The following CUX1 variants were observed in gnomAD, a reference collection of about 807,000 sequenced individuals.
The protein encoded by CUX1 is cut like homeobox 1.
A neutral mutation model predicts 158.8 loss-of-function variants in CUX1; 31 were observed. The observed-to-expected ratio is 0.20, with a 90% CI of 0.15 to 0.26. The LOEUF is 0.26. Among genes scored for constraint, CUX1 ranks in the 10% least tolerant of loss-of-function variants. The pLI, the probability that CUX1 is intolerant of heterozygous loss-of-function variation, is 1.00. For synonymous variants in CUX1, 879 were observed against 862.1 expected, an observed-to-expected ratio of 1.02 and a Z score of -0.34; for missense variants, 1,589 against 2,014.6, an observed-to-expected ratio of 0.79 and a Z score of 4.04.
chr7:102,067,605 G>T lies in CUX1; in HGVS notation c.190-2734G>T, dbSNP rs147979435. On this transcript the variant is annotated intron_variant, in intron 3 of 23. Coordinates refer to ENST00000292535, the MANE Select transcript of CUX1 (RefSeq NM_181552.4). ...ATAAAGACCTGATAGTCTGACTCCT[G>T]CCGGTGAGTGGAGGATTTCAATTAT... Among the ~76,000 whole-genome samples, 196 of 151,438 alleles carry T rather than the reference G, an allele frequency of 1.3e-3. 2 individuals are homozygous for T. The highest frequency in any genetic ancestry group is 4.6e-3 in the African/African-American group (189 of 41,242).
chr7:101,876,874 A>G (rs1277870747), intron 1 of CUX1, among the ~76,000 whole-genome samples: 1 of 152,046 alleles, frequency 6.6e-6, no homozygotes, highest in African/African-American at 2.4e-5. Flanking sequence ...TCGGCCTCCC[A>G]AAGTGCTGAG....
chr7:101,962,115 T>A (rs1488170894), intron 2 of CUX1, among the ~76,000 whole-genome samples: 1 of 152,196 alleles, frequency 6.6e-6, no homozygotes, highest in Non-Finnish European at 1.5e-5. Flanking sequence ...ATATTCCTTC[T>A]GTGATCAGAA....
Position 102,251,028 on chromosome 7 carries a change from G to A in CUX1, c.*1986G>A. 2 of 980,548 alleles carry A rather than the reference G, an allele frequency of 2.0e-6. No individual in the cohort carries two copies. Among genetic ancestry groups the A allele is most frequent in the Non-Finnish European group, 2.4e-6 (2 of 825,704 alleles). 60.7% of individuals were successfully genotyped at this position (980,548 alleles called of 1,614,324 possible). On this transcript the variant is annotated 3_prime_UTR_variant, in exon 24 of 24. Transcript: ENST00000292535. The stretch of plus-strand genomic sequence containing the variant: ...ATTTTATTATCTGATTGTTAGGAAG[G>A]GATGAAAGGGGCAAATATTCTTTAG...
intron 3 of CUX1, among the ~76,000 whole-genome samples, chr7:102,049,569 G>A (rs1327874004): frequency 3.3e-5 from 5 of 152,214 alleles, no homozygotes; most frequent in African/African-American, 1.2e-4. Context: ...TGGATGCGGT[G>A]GCTCACACCT....
chr7:101,911,475 G>A (rs1346099654), intron 1 of CUX1, among the ~76,000 whole-genome samples: 1 of 151,924 alleles, frequency 6.6e-6, no homozygotes, highest in African/African-American at 2.4e-5. Context: ...ATTGGCCTTG[G>A]CCCTCCAGTG....
chr7:101,864,535 AT>A, intron 1 of CUX1, among the ~76,000 whole-genome samples: 1 of 151,388 alleles, frequency 6.6e-6, no homozygotes, highest in South Asian at 2.1e-4. Flanking sequence ...TTTGATTTGC[AT>A]TTCCCTAATA....
intron 1 of CUX1, among the ~76,000 whole-genome samples, chr7:101,841,061 T>C (rs937913774): frequency 2.6e-5 from 4 of 151,706 alleles, no homozygotes; most frequent in African/African-American, 9.7e-5. Flanking sequence ...GCCTGGCTAA[T>C]TTTTTGTATT....
chr7:102,092,931 AAGAAAG>A (rs782459677), intron 4 of CUX1, among the ~76,000 whole-genome samples: 21,773 of 103,034 alleles, frequency 0.21, 2,362 homozygotes, highest in Non-Finnish European at 0.27. Flanking sequence ...AAAAAAAAAA[AAGAAAG>A]AAAGAAAAGA....
In CUX1 at chr7:102,140,902, T is replaced by TA. The variant is rs577061233; in HGVS notation, c.675-17657dup. On this transcript the variant is annotated intron_variant, in intron 8 of 23. Coordinates refer to ENST00000292535, the MANE Select transcript of CUX1 (RefSeq NM_181552.4). ...AAACAGCATTACTATGCCACCCTGATACACTGCTTGGCTAGGAGGGAAAAC... is the reference window on the plus strand; with the variant it reads ...AAACAGCATTACTATGCCACCCTGATAACACTGCTTGGCTAGGAGGGAAAAC... Among the ~76,000 whole-genome samples the TA allele has an allele frequency of 4.8e-4, 73 of 151,862 alleles. 1 individual carries two copies. In the South Asian group the frequency reaches 0.015, roughly 31 times the overall value.
At chr7:102,075,433 G>A (rs1014246927) in intron 4 of CUX1, among the ~76,000 whole-genome samples, 2 of 152,190 alleles carry the variant, frequency 1.3e-5, no homozygotes, top group Non-Finnish European at 1.5e-5. Flanking sequence ...CCTGGCCGGG[G>A]ACCCTGCCAT....
chr7:102,241,099 C>T (rs1252284242), intron 23 of CUX1, among the ~76,000 whole-genome samples: 3 of 152,204 alleles, frequency 2.0e-5, no homozygotes, highest in African/African-American at 7.2e-5. Flanking sequence ...GGATTACAGG[C>T]ATGAGCCACC....
rs1794880256 is a variant in CUX1 at position 102,197,110 on chromosome 7, C to A, written c.1699C>A (p.His567Asn). ...GCAGGTCAAAGAGCAGCTGATTAAG[C>A]ACAATATCGGACAACGTATTTTCGG... is the stretch of plus-strand genomic sequence containing the variant. ...ARQVKEQLIK[H>N]NIGQRIFGHY... The change falls in exon 15 of 24, where the codon CAC becomes AAC. Residue 567 changes from histidine (H) to asparagine (N), a missense_variant. Physicochemically the swap from His to Asn is moderately conservative, Grantham distance 68. Around this residue, in one of 8 missense-constraint regions of CUX1, gnomAD observed 37 missense variants for 124.9 expected, o/e 0.30. Transcript: ENST00000292535. 6.2e-7 allele frequency: 1 copy of A among 1,614,112 alleles called. No homozygotes were observed.
At chr7:102,237,080 C>G (rs1799651613) in intron 22 of CUX1, among the ~76,000 whole-genome samples, 2 of 152,186 alleles carry the variant, frequency 1.3e-5, no homozygotes, top group African/African-American at 4.8e-5. Flanking sequence ...AGGGAGTCCC[C>G]ACGGTTGGAC....
In CUX1 at chr7:102,252,920, C is replaced by T. The variant is rs542083329; in HGVS notation, c.*3878C>T. The T allele has an allele frequency of 1.0e-6, 1 of 985,450 alleles. No individual in the cohort carries two copies. The highest frequency in any genetic ancestry group is 4.7e-5 in the South Asian group (1 of 21,292). The allele number at this position is 985,450 out of a possible 1,614,324, so 61.0% of individuals were successfully genotyped here. A position where few individuals can be genotyped will look rare whatever the true frequency, so the allele number is the denominator to read the frequency against. On this transcript the variant is annotated 3_prime_UTR_variant, in exon 24 of 24. Coordinates refer to ENST00000292535, the MANE Select transcript of CUX1 (RefSeq NM_181552.4). ...GGCAGCTTCTAAGCGTCTCCTGGGA[C>T]AGGATTGGGGTGACAGCCCAGGGAT...
chr7:101,902,871 C>T (rs1802306860), intron 1 of CUX1, among the ~76,000 whole-genome samples: 2 of 152,156 alleles, frequency 1.3e-5, no homozygotes, highest in Non-Finnish European at 2.9e-5. Context: ...CCTCAGCCTC[C>T]CGAGTAGCTG....
At chr7:101,889,258 CAAAAA>C (rs55853593) in intron 1 of CUX1, among the ~76,000 whole-genome samples, 6 of 112,726 alleles carry the variant, frequency 5.3e-5, no homozygotes, top group East Asian at 2.6e-4. Context: ...GACCCTGTCT[CAAAAA>C]AAAAAAAAAA....
chr7:102,220,020 T>A (rs1473768895), intron 20 of CUX1, among the ~76,000 whole-genome samples: 1 of 152,152 alleles, frequency 6.6e-6, no homozygotes, highest in African/African-American at 2.4e-5. Flanking sequence ...CAAGGGTGTC[T>A]CATGTTTGTG....
intron 17 of CUX1, among the ~76,000 whole-genome samples, chr7:102,200,739 A>AT (rs1249437246): frequency 1.3e-5 from 2 of 150,838 alleles, no homozygotes; most frequent in African/African-American, 4.9e-5. Flanking sequence ...AAGTATAAAA[A>AT]TTATCAGAGG....
intron 21 of CUX1, among the ~76,000 whole-genome samples, chr7:102,231,393 A>G (rs1035425972): frequency 6.6e-6 from 1 of 151,606 alleles, no homozygotes; most frequent in Non-Finnish European, 1.5e-5. Flanking sequence ...CAAAACTCCT[A>G]GGCTGAAGTT....
Sources: allele counts gnomAD v4.1 joint callset (sites outside exome capture counted in the v4.1 genomes callset), GRCh38; gene constraint gnomAD v4.1.1; regional missense constraint gnomAD v4.1.1; transcripts MANE v1.5; gene names NCBI Gene and HGNC (gene_info 2026-07-23, HGNC 2026-07-21).